CPNE2: variants seen among roughly 807,000 people sequenced by gnomAD.
CPNE2 encodes copine 2.
CPNE2 carries 42 observed loss-of-function variants against 69.7 expected under a neutral mutation model. The observed-to-expected ratio is 0.60, with a 90% confidence interval of 0.47 to 0.78. CPNE2 has a LOEUF of 0.78. Ranked by LOEUF, CPNE2 falls within the 30% of genes least tolerant of loss-of-function variation. The probability of loss-of-function intolerance (pLI) is 0.00; values close to 1 mark genes in which losing one functional copy is unlikely to be tolerated. For missense variants in CPNE2, 587 were observed against 732.0 expected, an observed-to-expected ratio of 0.80 and a Z score of 2.29; for synonymous variants, 294 against 289.8, an observed-to-expected ratio of 1.01 and a Z score of -0.15.
At chr16:57,117,965 C>G (rs2069732251) in intron 5 of CPNE2, among the ~76,000 whole-genome samples, 1 of 152,112 alleles carries the variant, frequency 6.6e-6, no homozygotes, top group African/African-American at 2.4e-5. Flanking sequence ...AGGCACTCTC[C>G]TCCCTCAGGA....
At position 57,117,552 on chromosome 16, in the gene CPNE2, G is replaced by A. The variant is rs769237659; in HGVS notation, c.492G>A (p.Arg164=). 5 of 1,613,936 alleles carry A rather than the reference G, an allele frequency of 3.1e-6. No individual in the cohort carries two copies. The highest frequency in any genetic ancestry group is 4.2e-6 in the Non-Finnish European group (5 of 1,179,936). ...NRVITLSLAG[R]RLDKKDLFGK... ...TCATCACACTAAGCCTGGCGGGCAG[G>A]AGGCTGGACAAGAAGGTAAGGCGGG... The change falls in exon 5 of 16, where the codon AGG becomes AGA. Residue 164 remains arginine, a synonymous_variant. Transcript: ENST00000290776.
In CPNE2 at chr16:57,146,142, C is replaced by G; in HGVS notation, c.1360C>G (p.Arg454Gly). The G allele has an allele frequency of 4.4e-6, 7 of 1,595,502 alleles. No individual in the cohort carries two copies. The highest frequency in any genetic ancestry group is 6.0e-6 in the Non-Finnish European group (7 of 1,170,362). Residue 454 changes from arginine to glycine, a missense_variant, in exon 15 of 16, where the codon CGG becomes GGG. Around this residue, in one of 5 missense-constraint regions of CPNE2, gnomAD observed 185 missense variants for 252.3 expected, o/e 0.73. Transcript: ENST00000290776. This position sits in a 1 kb window ranked among gnomAD's most constrained non-coding sequence, Gnocchi z 4.4. ...DGVISDMEET[R>G]HAVVQASKLP... ...GGTCATCAGTGACATGGAGGAGACA[C>G]GGCATGCCGTGGTGCAGGCTTCCAA...
chr16:57,093,097 C>T (rs2069554652), intron 1 of CPNE2, among the ~76,000 whole-genome samples: 1 of 151,940 alleles, frequency 6.6e-6, no homozygotes, highest in Non-Finnish European at 1.5e-5. Context: ...CCACCCGCCC[C>T]GAGGGGCTTG....
chr16:57,104,394 C>T (rs2069635210), intron 1 of CPNE2, among the ~76,000 whole-genome samples: 1 of 152,232 alleles, frequency 6.6e-6, no homozygotes, highest in Non-Finnish European at 1.5e-5. Flanking sequence ...AAAACCACTG[C>T]CTCTTGTTGG....
chr16:57,119,044 C>T (rs992059858), intron 5 of CPNE2, 151 bp from the exon 6 acceptor site: 1 of 665,742 alleles, frequency 1.5e-6, no homozygotes, highest in Non-Finnish European at 2.6e-6. Context: ...TCTTGCTGAG[C>T]CTTGCAGAGT....
intron 1 of CPNE2, among the ~76,000 whole-genome samples, chr16:57,101,865 A>C (rs181429335): frequency 7.3e-4 from 111 of 152,230 alleles, no homozygotes; most frequent in Middle Eastern, 3.5e-3. Context: ...CCAGCAGAGC[A>C]TGTTAAAACA....
At chr16:57,147,252 G>C in intron 15 of CPNE2, 1 of 298,698 alleles carries the variant, frequency 3.3e-6, no homozygotes, top group Admixed American at 5.1e-5. Flanking sequence ...GATGTTTGCC[G>C]GACACATAGG....
chr16:57,095,007 C>T (rs948453258), intron 1 of CPNE2, among the ~76,000 whole-genome samples: 3 of 152,190 alleles, frequency 2.0e-5, no homozygotes, highest in Non-Finnish European at 4.4e-5. Flanking sequence ...GGTCAGGGTG[C>T]CCCCAGCCTG....
intron 3 of CPNE2, among the ~76,000 whole-genome samples, chr16:57,114,593 A>G (rs1401002179): frequency 6.6e-6 from 1 of 152,062 alleles, no homozygotes; most frequent in East Asian, 1.9e-4. Context: ...CTAGCCCCAC[A>G]GGAGCAGGAC....
chr16:57,113,329 C>T lies in CPNE2; in HGVS notation c.222C>T (p.Ala74=). Residue 74 remains alanine (A), a synonymous_variant, in exon 3 of 16, where the codon GCC becomes GCT. Coordinates refer to ENST00000290776, the MANE Select transcript of CPNE2 (RefSeq NM_152727.6). Reference sequence around the variant, plus strand: ...CCGCGATCAACAACCTCAACCCCGCCTTCTCCAAGAAGTTCGTGCTTGACT... The same window carrying T: ...CCGCGATCAACAACCTCAACCCCGCTTTCTCCAAGAAGTTCGTGCTTGACT... The part of the protein sequence containing the change: ...TETAINNLNP[A]FSKKFVLDYH... The T allele has an allele frequency of 6.2e-7, 1 of 1,614,218 alleles. No individual in the cohort carries two copies. Among genetic ancestry groups the T allele is most frequent in the Non-Finnish European group, 8.5e-7 (1 of 1,180,036 alleles).
Position 57,130,643 on chromosome 16 carries a change from C to T in CPNE2, c.1116+2740C>T, listed in dbSNP as rs932905851. On this transcript the variant is annotated intron_variant, in intron 12 of 15. Coordinates refer to ENST00000290776, the MANE Select transcript of CPNE2 (RefSeq NM_152727.6). The surrounding 1 kb of genome is among the most constrained non-coding windows in gnomAD (Gnocchi z 4.1). The stretch of plus-strand genomic sequence containing the variant: ...TTGAGGAAGCCAAGCAGTCAGGGCT[C>T]GGGGAGGAGGGAGTGGGGTTGGAGG... 1.3e-5 allele frequency among the ~76,000 whole-genome samples: 2 copies of T among 151,812 alleles called. No individual in the cohort carries two copies. Among genetic ancestry groups the T allele is most frequent in the African/African-American group, 4.8e-5 (2 of 41,298 alleles).
At chr16:57,116,638 T>C (rs2069721328) in intron 4 of CPNE2, among the ~76,000 whole-genome samples, 1 of 152,152 alleles carries the variant, frequency 6.6e-6, no homozygotes, top group Non-Finnish European at 1.5e-5. Flanking sequence ...GGGTATGCCA[T>C]CACCCCAGCA....
intron 11 of CPNE2, among the ~76,000 whole-genome samples, chr16:57,127,512 T>G (rs1464021144): frequency 8.5e-5 from 13 of 152,192 alleles, no homozygotes; most frequent in Admixed American, 3.3e-4. Flanking sequence ...GCCAGTACAT[T>G]CATTCTACTT....
rs954983002 is a variant in CPNE2 at position 57,140,415 on chromosome 16, G to A, written c.1302+3133G>A. Among the ~76,000 whole-genome samples, 9 of 152,036 alleles carry A rather than the reference G, an allele frequency of 5.9e-5. No homozygotes were observed. In the East Asian group the frequency reaches 1.5e-3, roughly 26 times the overall value. On this transcript the variant is annotated intron_variant, in intron 14 of 15. Coordinates refer to ENST00000290776, the MANE Select transcript of CPNE2 (RefSeq NM_152727.6). Reference sequence around the variant, plus strand: ...TCAAACCCCTGTCCTCAGGTGATCCGCCCGCCTCAGCCTCCCAAAGTGCTG... The same window carrying A: ...TCAAACCCCTGTCCTCAGGTGATCCACCCGCCTCAGCCTCCCAAAGTGCTG...
chr16:57,131,287 G>A (rs1359046780), intron 12 of CPNE2, among the ~76,000 whole-genome samples: 1 of 152,212 alleles, frequency 6.6e-6, no homozygotes, highest in East Asian at 1.9e-4. Context: ...GTGCCGCATT[G>A]CTGTTTCCAG....
At position 57,146,214 on chromosome 16, in the gene CPNE2, G is replaced by A. The variant is rs771662316; in HGVS notation, c.1432G>A (p.Ala478Thr). 1.1e-5 allele frequency: 17 copies of A among 1,567,126 alleles called. No homozygotes were observed. The highest frequency in any genetic ancestry group is 9.5e-5 in the East Asian group (4 of 42,260). The change falls in exon 15 of 16, where the codon GCT becomes ACT. Residue 478 changes from alanine (A) to threonine (T), a missense_variant. Physicochemically the swap from Ala to Thr is moderately conservative, Grantham distance 58. Coordinates refer to ENST00000290776, the MANE Select transcript of CPNE2 (RefSeq NM_152727.6). This position sits in a 1 kb window ranked among gnomAD's most constrained non-coding sequence, Gnocchi z 4.4. ...CGTGGGCGTGGGCAATGCGGACTTC[G>A]CTGCCATGGAGTTCCTGGATGGGGA... ...IIVGVGNADFAAMEFLDGDSR... is the reference protein window; with the variant it reads ...IIVGVGNADFTAMEFLDGDSR...
At chr16:57,141,667 C>T (rs1395508010) in intron 14 of CPNE2, 1 of 152,238 alleles carries the variant, frequency 6.6e-6, no homozygotes, top group African/African-American at 2.4e-5. Flanking sequence ...TCCCCCACTT[C>T]CTGACTTCGT....
chr16:57,097,136 T>C (rs941744707), intron 1 of CPNE2, among the ~76,000 whole-genome samples: 21 of 152,116 alleles, frequency 1.4e-4, no homozygotes, highest in African/African-American at 5.1e-4. Flanking sequence ...TCCTGGTCTA[T>C]TAACATCCCA....
At chr16:57,112,299 G>C (rs1468008394) in intron 2 of CPNE2, among the ~76,000 whole-genome samples, 1 of 152,088 alleles carries the variant, frequency 6.6e-6, no homozygotes, top group African/African-American at 2.4e-5. Context: ...GAGGACTCCT[G>C]GGGGAGCCAC....
Sources: gnomAD v4.1 joint callset for allele counts (sites outside exome capture counted in the v4.1 genomes callset) on GRCh38, gnomAD v4.1.1 for gene constraint, gnomAD v4.1.1 regional missense constraint, Gnocchi (gnomAD v3.1) non-coding constraint, MANE v1.5 for transcripts, NCBI Gene and HGNC (gene_info 2026-07-23, HGNC 2026-07-21) for gene names.